CD28: variants seen among roughly 807,000 people sequenced by gnomAD.
CD28 encodes the protein CD28 molecule, also known as T-cell-specific surface glycoprotein CD28.
Under a neutral mutation model 21.4 loss-of-function variants are expected in CD28, and 8 were observed. The ratio of observed to expected loss-of-function variants is 0.37; its 90% confidence interval spans 0.22 to 0.68. The LOEUF is 0.68. CD28 is among the 30% of genes least tolerant of loss of function. CD28 has a pLI of 0.55. For missense variants in CD28, 239 were observed against 272.2 expected (o/e 0.88, Z 0.86); for synonymous variants, 106 against 104.0 (o/e 1.02, Z -0.12).
chr2:203,734,507 T>G (rs1363864072), intron 3 of CD28, among the ~76,000 whole-genome samples: 2 of 152,162 alleles, frequency 1.3e-5, no homozygotes, highest in African/African-American at 4.8e-5. Context: ...AGTGGATATG[T>G]TAATTAGTGT....
At position 203,726,500 on chromosome 2, in the gene CD28, G is replaced by A. The variant is rs149128928; in HGVS notation, c.53-133G>A. The A allele has an allele frequency of 9.5e-4, 619 of 650,520 alleles. 2 individuals carry two copies. The African/African-American group carries it at 0.01, about 11-fold the overall frequency. The allele number at this position is 650,520 out of a possible 1,614,324, so 40.3% of individuals were successfully genotyped here. ...TCTCAGTATAATTATCCCCTGAAGA[G>A]GTCCTACATCTTCTGCCAAGAGAAA... On this transcript the variant is annotated intron_variant, in intron 1 of 3. Transcript: ENST00000324106.
chr2:203,728,330 C>T (rs948998428), intron 2 of CD28, among the ~76,000 whole-genome samples: 1 of 152,140 alleles, frequency 6.6e-6, no homozygotes, highest in Non-Finnish European at 1.5e-5. Flanking sequence ...GGAGAAAAAT[C>T]ATGATTCCCC....
intron 2 of CD28, among the ~76,000 whole-genome samples, chr2:203,729,222 T>C (rs1212022115): frequency 5.3e-5 from 8 of 152,236 alleles, no homozygotes; most frequent in Non-Finnish European, 1.5e-5. Context: ...TCCAGTGTTC[T>C]GACTGCCATA....
intron 1 of CD28, among the ~76,000 whole-genome samples, chr2:203,721,330 A>G (rs1479912168): frequency 1.3e-5 from 2 of 152,152 alleles, no homozygotes; most frequent in Non-Finnish European, 2.9e-5. Context: ...GTAGATCTTC[A>G]TCACCTTCAG....
chr2:203,733,724 A>T (rs1367006312), intron 3 of CD28, among the ~76,000 whole-genome samples: 1 of 152,218 alleles, frequency 6.6e-6, no homozygotes, highest in Non-Finnish European at 1.5e-5. Flanking sequence ...TAGTATCACA[A>T]AAAGAAGAGA....
intron 1 of CD28, among the ~76,000 whole-genome samples, chr2:203,708,790 C>T (rs1354935839): frequency 6.6e-6 from 1 of 152,166 alleles, no homozygotes; most frequent in Admixed American, 6.5e-5. Flanking sequence ...ACAGTCTTTT[C>T]CAGTAAGAAA....
In CD28 at chr2:203,736,306, T is replaced by A. The variant is rs1432357367; in HGVS notation, c.*1394T>A. On this transcript the variant is annotated 3_prime_UTR_variant, in exon 4 of 4. Coordinates refer to ENST00000324106, the MANE Select transcript of CD28 (RefSeq NM_006139.4). ...AAGGAGGACGAATAGAATGGAGTAA[T>A]GAAATTCTTGCCATGTGCTGAGGAG... 2 of 152,602 alleles carry A rather than the reference T, an allele frequency of 1.3e-5. No homozygotes were observed. Among genetic ancestry groups the A allele is most frequent in the Non-Finnish European group, 2.9e-5 (2 of 68,042 alleles). 9.5% of individuals were successfully genotyped at this position (152,602 alleles called of 1,614,324 possible). A position where few individuals can be genotyped will look rare whatever the true frequency, so the allele number is the denominator to read the frequency against.
At position 203,735,078 on chromosome 2, in the gene CD28, G is replaced by A; in HGVS notation, c.*166G>A. ...CTAGACCAAATATCAAGATCATTTT[G>A]AGACTCTGAAATGAAGTAAAAGAGA... is the stretch of plus-strand genomic sequence containing the variant. On this transcript the variant is annotated 3_prime_UTR_variant, in exon 4 of 4. Transcript: ENST00000324106. The A allele has an allele frequency of 2.7e-6, 2 of 730,126 alleles. No individual in the cohort carries two copies. The highest frequency in any genetic ancestry group is 4.4e-6 in the Non-Finnish European group (2 of 454,850). The allele number at this position is 730,126 out of a possible 1,614,324, so 45.2% of individuals were successfully genotyped here.
Position 203,707,552 on chromosome 2 carries a change from G to A in CD28, c.52+804G>A, listed in dbSNP as rs58258181. 9.1e-3 allele frequency among the ~76,000 whole-genome samples: 1,380 copies of A among 152,204 alleles called. 18 individuals carry two copies. The highest frequency in any genetic ancestry group is 0.031 in the African/African-American group (1,273 of 41,516). The stretch of plus-strand genomic sequence containing the variant: ...ATAAATTAGTTTTCTTTTACAATCG[G>A]CCAAAATGTATTTTCTTAGATTAAA... On this transcript the variant is annotated intron_variant, in intron 1 of 3. Transcript: ENST00000324106.
At chr2:203,733,382 G>A (rs946364775) in intron 3 of CD28, among the ~76,000 whole-genome samples, 1 of 151,988 alleles carries the variant, frequency 6.6e-6, no homozygotes, top group Non-Finnish European at 1.5e-5. Context: ...TTGGGCAGCT[G>A]TATATATGGT....
Position 203,735,011 on chromosome 2 carries a change from C to A in CD28, c.*99C>A. On this transcript the variant is annotated 3_prime_UTR_variant, in exon 4 of 4. Coordinates refer to ENST00000324106, the MANE Select transcript of CD28 (RefSeq NM_006139.4). The stretch of plus-strand genomic sequence containing the variant: ...GACCGCCATCTCCAGCCGGCCACCT[C>A]AGGCCCCTGTTGGGCCACCAATGCC... The A allele has an allele frequency of 1.4e-6, 2 of 1,477,434 alleles. No homozygotes were observed. The highest frequency in any genetic ancestry group is 2.1e-5 in the Admixed American group (1 of 47,196). The allele number at this position is 1,477,434 out of a possible 1,614,324, so 91.5% of individuals were successfully genotyped here.
chr2:203,723,833 G>A (rs1693672528), intron 1 of CD28, among the ~76,000 whole-genome samples: 1 of 152,186 alleles, frequency 6.6e-6, no homozygotes, highest in Admixed American at 6.5e-5. Context: ...ACAGTTTGAC[G>A]ATTCCTCAAA....
intron 1 of CD28, among the ~76,000 whole-genome samples, chr2:203,711,746 C>T (rs1472712945): frequency 2.6e-5 from 4 of 152,176 alleles, no homozygotes; most frequent in Admixed American, 1.3e-4. Context: ...TTAGACTTTT[C>T]GTGAAAGATC....
At position 203,712,203 on chromosome 2, in the gene CD28, A is replaced by C. The variant is rs199585070; in HGVS notation, c.52+5455A>C. ...CGAGATTCCGTCTCAACAACAACAA[A>C]AAAAAGAAATATAAAATCAGTACAC... On this transcript the variant is annotated intron_variant, in intron 1 of 3. Transcript: ENST00000324106. Among the ~76,000 whole-genome samples, 332 of 145,728 alleles carry C rather than the reference A, an allele frequency of 2.3e-3. 5 individuals are homozygous for C. In the East Asian group the frequency reaches 0.041, roughly 18 times the overall value.
chr2:203,706,561 AGGGGAT>A, upstream of CD28: 1 of 1,576,898 alleles, frequency 6.3e-7, no homozygotes, highest in Non-Finnish European at 8.6e-7. Flanking sequence ...ATGTGCCCTA[AGGGGAT>A]GGTGGCGGTG....
chr2:203,713,352 A>G (rs1693367754), intron 1 of CD28, among the ~76,000 whole-genome samples: 1 of 152,186 alleles, frequency 6.6e-6, no homozygotes. Flanking sequence ...CTGTAGAAAA[A>G]CAGAGAGTGG....
chr2:203,732,758 G>C (rs1337891995), intron 3 of CD28, among the ~76,000 whole-genome samples: 1 of 152,216 alleles, frequency 6.6e-6, no homozygotes, highest in Non-Finnish European at 1.5e-5. Flanking sequence ...CATGGGTGCT[G>C]TAGGTTCTGC....
At chr2:203,734,235 A>G (rs1408348996) in intron 3 of CD28, among the ~76,000 whole-genome samples, 2 of 152,228 alleles carry the variant, frequency 1.3e-5, no homozygotes, top group Non-Finnish European at 2.9e-5. Flanking sequence ...AGCCAAGCCT[A>G]TGAAAGAGAG....
chr2:203,716,073 A>G (rs1356552832), intron 1 of CD28, among the ~76,000 whole-genome samples: 2 of 152,178 alleles, frequency 1.3e-5, no homozygotes, highest in African/African-American at 4.8e-5. Flanking sequence ...AGACATCTTC[A>G]GCATCTCCCA....
Sources: allele counts gnomAD v4.1 joint callset (sites outside exome capture counted in the v4.1 genomes callset), GRCh38; gene constraint gnomAD v4.1.1; transcripts MANE v1.5; gene names NCBI Gene and HGNC (gene_info 2026-07-23, HGNC 2026-07-21).